The following DNAH14 variants were observed in gnomAD, a reference collection of about 807,000 sequenced individuals.
The protein encoded by DNAH14 is axonemal beta dynein heavy chain 14.
A neutral mutation model predicts 520.9 loss-of-function variants in DNAH14; 478 were observed. The observed-to-expected ratio is 0.92, with a 90% confidence interval of 0.85 to 0.99. The LOEUF (loss-of-function observed/expected upper bound fraction) is 0.99, where lower values mean the gene tolerates loss of function less well. Among genes scored for constraint, DNAH14 ranks in the 50% least tolerant of loss-of-function variants. The probability of loss-of-function intolerance (pLI) is 0.00; values close to 1 mark genes in which losing one functional copy is unlikely to be tolerated. For missense variants in DNAH14, 4,831 were observed against 5,234.5 expected (o/e 0.92, Z 2.38); for synonymous variants, 1,581 against 1,757.2 (o/e 0.90, Z 2.51).
intron 60 of DNAH14, among the ~76,000 whole-genome samples, chr1:225,318,016 G>A (rs1175211533): frequency 6.6e-6 from 1 of 152,136 alleles, no homozygotes; most frequent in Admixed American, 6.5e-5. Flanking sequence ...TAATTCCCAA[G>A]TCAACTTTTT....
intron 27 of DNAH14, among the ~76,000 whole-genome samples, chr1:225,130,114 A>G (rs1559051329): frequency 6.6e-6 from 1 of 152,222 alleles, no homozygotes; most frequent in Non-Finnish European, 1.5e-5. Context: ...CAAAACCACA[A>G]TGAGATACCA....
intron 35 of DNAH14, among the ~76,000 whole-genome samples, chr1:225,163,934 T>A (rs1287330658): frequency 6.6e-6 from 1 of 152,172 alleles, no homozygotes; most frequent in East Asian, 1.9e-4. Flanking sequence ...GCCTTTTGCA[T>A]GTATCAGGGT....
At chr1:225,130,567 A>T (rs984209744) in intron 27 of DNAH14, among the ~76,000 whole-genome samples, 1 of 133,826 alleles carries the variant, frequency 7.5e-6, no homozygotes, top group Admixed American at 7.1e-5. Context: ...AAATATCGCA[A>T]GGATAAAAAA....
rs528342932 is a variant in DNAH14, at chr1:225,159,319, C to T, written c.5279C>T (p.Thr1760Ile). 3.2e-6 allele frequency: 5 copies of T among 1,550,748 alleles called. No individual in the cohort carries two copies. Among genetic ancestry groups the T allele is most frequent in the South Asian group, 1.2e-5 (1 of 83,732 alleles). The change falls in exon 35 of 86, where the codon ACC becomes ATC. Residue 1760 changes from threonine to isoleucine, a missense_variant. Coordinates refer to ENST00000682510, the MANE Select transcript of DNAH14 (RefSeq NM_001367479.1). Reference protein sequence around the residue: ...GTKKREFKCDTSDSLSEADET... With the variant: ...GTKKREFKCDISDSLSEADET... Reference sequence around the variant, plus strand: ...GTTTTCTTCTACCATTGAAGTGATACCAGTGACAGTCTTTCTGAAGCAGAT... The same window carrying T: ...GTTTTCTTCTACCATTGAAGTGATATCAGTGACAGTCTTTCTGAAGCAGAT...
chr1:225,273,188 T>C, intron 52 of DNAH14, 63 bp downstream of exon 52: 2 of 1,466,496 alleles, frequency 1.4e-6, no homozygotes, highest in East Asian at 5.1e-5. Context: ...ATCCCAGCAC[T>C]TTGGGAGGCC....
intron 17 of DNAH14, among the ~76,000 whole-genome samples, chr1:225,072,428 G>A (rs1558863606): frequency 6.6e-6 from 1 of 152,060 alleles, no homozygotes; most frequent in Non-Finnish European, 1.5e-5. Context: ...TTGTCTGTCA[G>A]CTCCTGCAAT....
At chr1:225,352,012 A>G (rs2095371534) in intron 72 of DNAH14, 129 bp downstream of exon 72, 2 of 681,126 alleles carry the variant, frequency 2.9e-6, no homozygotes, top group South Asian at 2.0e-5. Context: ...CTACATTTTC[A>G]GCATGCACAT....
intron 26 of DNAH14, 88 bp from the exon 27 acceptor site, chr1:225,123,439 T>C: frequency 4.3e-6 from 1 of 233,656 alleles, no homozygotes; most frequent in Non-Finnish European, 9.2e-6. Context: ...AAAGGAAAAC[T>C]CCCCTGTGAC....
intron 10 of DNAH14, among the ~76,000 whole-genome samples, chr1:225,009,851 G>T (rs756315945): frequency 2.0e-5 from 3 of 151,978 alleles, no homozygotes; most frequent in African/African-American, 4.8e-5. Flanking sequence ...TATTCTCTTT[G>T]TAGCAATTTT....
rs148695990 is a variant in DNAH14, at chr1:225,246,927, G to A, written c.6749-5374G>A. 7.9e-5 allele frequency among the ~76,000 whole-genome samples: 12 copies of A among 152,248 alleles called. No homozygotes were observed. In the East Asian group the frequency reaches 1.5e-3, roughly 20 times the overall value. ...TTCTACTATAAAGAAACATGCACAC[G>A]TATGTTTATTGCAACACTATTCACA... On this transcript the variant is annotated intron_variant, in intron 43 of 85. Transcript: ENST00000682510.
chr1:225,146,717 C>T (rs1233420138), intron 30 of DNAH14, among the ~76,000 whole-genome samples: 1 of 152,208 alleles, frequency 6.6e-6, no homozygotes, highest in African/African-American at 2.4e-5. Flanking sequence ...CCCCCAGATT[C>T]ACACACTTTA....
chr1:225,354,290 C>A (rs1180810116), intron 73 of DNAH14: 3 of 701,252 alleles, frequency 4.3e-6, no homozygotes, highest in Non-Finnish European at 7.8e-6. Flanking sequence ...CTGTCTAATT[C>A]TAGGTTCTGT....
intron 37 of DNAH14, 146 bp from the exon 38 acceptor site, chr1:225,192,550 T>C: frequency 1.8e-6 from 1 of 559,086 alleles, no homozygotes; most frequent in African/African-American, 1.9e-5. Flanking sequence ...CAATATTTAC[T>C]GTTCCTTGCA....
chr1:225,318,661 G>C lies in DNAH14; in HGVS notation c.9319G>C (p.Asp3107His). 2 of 1,548,564 alleles carry C rather than the reference G, an allele frequency of 1.3e-6. No homozygotes were observed. Among genetic ancestry groups the C allele is most frequent in the Non-Finnish European group, 1.7e-6 (2 of 1,145,582 alleles). Residue 3107 changes from aspartate (D) to histidine (H), a missense_variant, in exon 61 of 86, where the codon GAT becomes CAT. Asp to His is a moderately conservative substitution (Grantham distance 81, BLOSUM62 -1). Coordinates refer to ENST00000682510, the MANE Select transcript of DNAH14 (RefSeq NM_001367479.1). ...IVALNALDKA[D>H]VAELRVYTRP... ...GGCTCTGAATGCCCTGGATAAAGCT[G>C]ATGTCGCTGAATTAAGGTAACTCTC...
At chr1:225,061,448 C>T (rs2070090821) in intron 17 of DNAH14, among the ~76,000 whole-genome samples, 1 of 152,204 alleles carries the variant, frequency 6.6e-6, no homozygotes, top group Non-Finnish European at 1.5e-5. Flanking sequence ...AATTCCCTGA[C>T]CCCTTGCGCT....
At chr1:225,081,117 A>T (rs1233577871) in intron 19 of DNAH14, among the ~76,000 whole-genome samples, 1 of 152,204 alleles carries the variant, frequency 6.6e-6, no homozygotes, top group African/African-American at 2.4e-5. Flanking sequence ...CAGCTTAAAG[A>T]GTAATTTTTA....
chr1:225,387,085 T>C (rs1422070482), intron 81 of DNAH14, among the ~76,000 whole-genome samples: 7 of 151,588 alleles, frequency 4.6e-5, no homozygotes, highest in African/African-American at 1.5e-4. Context: ...ATGTCCTTTG[T>C]AGGGACATGG....
At position 225,336,881 on chromosome 1, in the gene DNAH14, G is replaced by A. The variant is rs563192836; in HGVS notation, c.10081-385G>A. Among the ~76,000 whole-genome samples, 10 of 152,252 alleles carry A rather than the reference G, an allele frequency of 6.6e-5. No individual in the cohort carries two copies. The East Asian group carries it at 7.7e-4, about 12-fold the overall frequency. ...TGTGTGGTTGGCAGTTGGTAGGTGC[G>A]AAATAGACTATAGCTGTTATTATAT... On this transcript the variant is annotated intron_variant, in intron 66 of 85. Transcript: ENST00000682510.
intron 77 of DNAH14, 61 bp from the exon 78 acceptor site, chr1:225,374,627 G>A: frequency 1.0e-5 from 14 of 1,358,776 alleles, no homozygotes; most frequent in Non-Finnish European, 1.3e-5. Flanking sequence ...ATGTTAAAAA[G>A]TCAGAGTGAG....
Sources: gnomAD v4.1 joint callset for allele counts (sites outside exome capture counted in the v4.1 genomes callset) on GRCh38, gnomAD v4.1.1 for gene constraint, MANE v1.5 for transcripts, NCBI Gene and HGNC (gene_info 2026-07-23, HGNC 2026-07-21) for gene names.